Variants in KCNQ5 observed in about 807,000 individuals in gnomAD.
KCNQ5 encodes the protein potassium voltage-gated channel subfamily Q member 5.
KCNQ5 carries 30 observed loss-of-function variants against 98.2 expected under a neutral mutation model. The observed-to-expected ratio is 0.31, with a 90% CI of 0.23 to 0.41. The LOEUF is 0.41. KCNQ5 is among the 10% of genes least tolerant of loss of function. The pLI is 1.00. For synonymous variants in KCNQ5, 458 were observed against 449.4 expected (o/e 1.02, Z -0.24); for missense variants, 835 against 1,182.5 (o/e 0.71, Z 4.31).
intron 2 of KCNQ5, among the ~76,000 whole-genome samples, chr6:73,031,075 A>G (rs1771121504): frequency 6.6e-6 from 1 of 152,236 alleles, no homozygotes; most frequent in Non-Finnish European, 1.5e-5. Flanking sequence ...TGCCTAAAAT[A>G]TGCTTAAATA....
At chr6:73,015,865 A>G (rs928392236) in intron 2 of KCNQ5, among the ~76,000 whole-genome samples, 26 of 152,176 alleles carry the variant, frequency 1.7e-4, no homozygotes, top group Non-Finnish European at 3.4e-4. Context: ...CCTGGACCAA[A>G]TACCTCCTCC....
At chr6:72,731,675 G>A (rs568774951) in intron 1 of KCNQ5, among the ~76,000 whole-genome samples, 6 of 152,222 alleles carry the variant, frequency 3.9e-5, no homozygotes, top group South Asian at 4.1e-4. Context: ...AAGTGAAGCC[G>A]GTTCTCTTCT....
intron 1 of KCNQ5, among the ~76,000 whole-genome samples, chr6:72,968,445 A>G (rs185103072): frequency 1.6e-4 from 24 of 151,946 alleles, no homozygotes; most frequent in Middle Eastern, 3.4e-3. Context: ...TTTTAAAGAA[A>G]TAAGTGAAAA....
intron 1 of KCNQ5, chr6:72,986,841 C>T: frequency 2.9e-6 from 3 of 1,035,540 alleles, no homozygotes; most frequent in Non-Finnish European, 4.6e-6. Context: ...CAGGACCCCA[C>T]AGCCCTCTCA....
chr6:72,855,044 A>T (rs577399745), intron 1 of KCNQ5, among the ~76,000 whole-genome samples: 1 of 152,144 alleles, frequency 6.6e-6, no homozygotes, highest in African/African-American at 2.4e-5. Context: ...TTGTTTTATC[A>T]TCAATTATCA....
intron 2 of KCNQ5, among the ~76,000 whole-genome samples, chr6:73,038,561 GT>G (rs889891567): frequency 7.9e-5 from 12 of 151,728 alleles, no homozygotes; most frequent in East Asian, 7.7e-4. Context: ...CTTGCCAAGA[GT>G]TTTTTTTAAT....
At chr6:72,922,645 T>G (rs1359448479) in intron 1 of KCNQ5, among the ~76,000 whole-genome samples, 1 of 152,138 alleles carries the variant, frequency 6.6e-6, no homozygotes, top group Non-Finnish European at 1.5e-5. Context: ...CATGTAAAAG[T>G]GAGATCATGC....
intron 1 of KCNQ5, among the ~76,000 whole-genome samples, chr6:72,807,700 G>A (rs1561996511): frequency 1.3e-5 from 2 of 152,088 alleles, no homozygotes; most frequent in Non-Finnish European, 2.9e-5. Context: ...ATTTTGTAGA[G>A]ACAGGGTCTC....
Position 72,965,798 on chromosome 6 carries a change from C to T in KCNQ5, c.399-38110C>T, listed in dbSNP as rs987192291. On this transcript the variant is annotated intron_variant, in intron 1 of 13. Transcript: ENST00000370398. The stretch of plus-strand genomic sequence containing the variant: ...GGTTAAGCACAAAAAAGTCACATTG[C>T]TTGAAAAGTGCTATTTGTAAAACAG... Among the ~76,000 whole-genome samples the T allele has an allele frequency of 4.6e-5, 7 of 152,290 alleles. No homozygotes were observed. The South Asian group carries it at 1.4e-3, about 32-fold the overall frequency.
At chr6:73,061,884 C>T (rs1322344426) in intron 3 of KCNQ5, among the ~76,000 whole-genome samples, 1 of 152,054 alleles carries the variant, frequency 6.6e-6, no homozygotes, top group African/African-American at 2.4e-5. Context: ...CTAATCAATC[C>T]TAGAATCGAT....
At chr6:73,094,947 C>A (rs999006869) in intron 5 of KCNQ5, among the ~76,000 whole-genome samples, 3 of 152,102 alleles carry the variant, frequency 2.0e-5, no homozygotes, top group Non-Finnish European at 4.4e-5. Flanking sequence ...CTTTGTGCTT[C>A]TTGTATTTGG....
chr6:73,014,117 G>A (rs768815035), intron 2 of KCNQ5, among the ~76,000 whole-genome samples: 1 of 152,014 alleles, frequency 6.6e-6, no homozygotes, highest in African/African-American at 2.4e-5. Context: ...TGTTTGGTTT[G>A]TTTTGATTTC....
intron 5 of KCNQ5, among the ~76,000 whole-genome samples, chr6:73,092,110 G>A (rs1442943346): frequency 2.0e-5 from 3 of 149,174 alleles, no homozygotes; most frequent in Admixed American, 6.7e-5. Context: ...TTTTTGTTTC[G>A]TTTTGTTTTG....
intron 2 of KCNQ5, among the ~76,000 whole-genome samples, chr6:73,032,724 G>A (rs980219144): frequency 7.9e-5 from 12 of 152,062 alleles, no homozygotes; most frequent in Non-Finnish European, 1.5e-5. Context: ...AATGTTTCCA[G>A]CTTGGTGTTT....
At chr6:73,027,429 T>A (rs763501530) in intron 2 of KCNQ5, among the ~76,000 whole-genome samples, 25 of 152,182 alleles carry the variant, frequency 1.6e-4, no homozygotes, top group Non-Finnish European at 3.4e-4. Context: ...ACTTCAATGT[T>A]TGGGAAACAT....
At chr6:72,694,082 C>T (rs927799096) in intron 1 of KCNQ5, among the ~76,000 whole-genome samples, 2 of 152,124 alleles carry the variant, frequency 1.3e-5, no homozygotes, top group African/African-American at 4.8e-5. Flanking sequence ...CCATTCCAGC[C>T]CACCCTGTTT....
intron 1 of KCNQ5, among the ~76,000 whole-genome samples, chr6:72,837,750 A>G (rs561470209): frequency 6.6e-6 from 1 of 152,170 alleles, no homozygotes; most frequent in East Asian, 1.9e-4. Context: ...TAAAGATGTA[A>G]TATGTTAAAC....
chr6:72,899,187 T>A (rs1779377908), intron 1 of KCNQ5, among the ~76,000 whole-genome samples: 1 of 152,216 alleles, frequency 6.6e-6, no homozygotes, highest in Non-Finnish European at 1.5e-5. Flanking sequence ...ATTAAACAGA[T>A]AATTTCATGG....
Position 72,725,799 on chromosome 6 carries a change from A to G in KCNQ5, c.398+103212A>G, listed in dbSNP as rs566371227. Among the ~76,000 whole-genome samples, 282 of 152,332 alleles carry G rather than the reference A, an allele frequency of 1.9e-3. 1 individual carries two copies. The highest frequency in any genetic ancestry group is 6.6e-3 in the African/African-American group (274 of 41,576). ...TTTTCTCCCATAAATATATATAATT[A>G]TTACTTGTCAATTAAACATTTTTAA... On this transcript the variant is annotated intron_variant, in intron 1 of 13. Transcript: ENST00000370398.
Sources: gnomAD v4.1 joint callset for allele counts (sites outside exome capture counted in the v4.1 genomes callset) on GRCh38, gnomAD v4.1.1 for gene constraint, MANE v1.5 for transcripts, NCBI Gene and HGNC (gene_info 2026-07-23, HGNC 2026-07-21) for gene names.